Variants in ADIPOR2 observed in about 807,000 individuals in gnomAD.
The protein encoded by ADIPOR2 is adiponectin receptor 2.
Under a neutral mutation model 40.9 loss-of-function variants are expected in ADIPOR2, and 18 were observed. The ratio of observed to expected loss-of-function variants is 0.44; its 90% CI spans 0.30 to 0.65. The LOEUF is 0.65. Among genes scored for constraint, ADIPOR2 ranks in the 30% least tolerant of loss-of-function variants. The probability of loss-of-function intolerance (pLI) is 0.09; values close to 1 mark genes in which losing one functional copy is unlikely to be tolerated. For missense variants in ADIPOR2, 283 were observed against 479.2 expected, an observed-to-expected ratio of 0.59 and a Z score of 3.82; for synonymous variants, 165 against 166.4, an observed-to-expected ratio of 0.99 and a Z score of 0.06.
chr12:1,709,418 A>G (rs1261625475), intron 1 of ADIPOR2, among the ~76,000 whole-genome samples: 2 of 152,288 alleles, frequency 1.3e-5, no homozygotes, highest in Admixed American at 6.5e-5. Flanking sequence ...GTAGATTACA[A>G]TTGATTGGTG....
At chr12:1,735,229 A>G (rs2094727985) in intron 1 of ADIPOR2, among the ~76,000 whole-genome samples, 1 of 152,232 alleles carries the variant, frequency 6.6e-6, no homozygotes, top group African/African-American at 2.4e-5. Context: ...ACCCATGAGC[A>G]TGGAATGTTC....
chr12:1,735,918 A>G (rs2094729522), intron 1 of ADIPOR2, among the ~76,000 whole-genome samples: 1 of 152,186 alleles, frequency 6.6e-6, no homozygotes, highest in Non-Finnish European at 1.5e-5. Context: ...CGTATGTTGA[A>G]CCAGCCTTGC....
At chr12:1,705,432 C>T (rs988748310) in intron 1 of ADIPOR2, among the ~76,000 whole-genome samples, 1 of 152,136 alleles carries the variant, frequency 6.6e-6, no homozygotes, top group African/African-American at 2.4e-5. Flanking sequence ...TGAAACTATT[C>T]GACGCCACAA....
In ADIPOR2 at chr12:1,782,682, T is replaced by C. The variant is rs571957994; in HGVS notation, c.839-1198T>C. On this transcript the variant is annotated intron_variant, in intron 6 of 7. Coordinates refer to ENST00000357103, the MANE Select transcript of ADIPOR2 (RefSeq NM_024551.3). ...TCTAGTTCATTTAAAAAAATGCTGG[T>C]TGAGACTCATTTAATTGATCTTAGA... is the stretch of plus-strand genomic sequence containing the variant. Among the ~76,000 whole-genome samples, 10 of 152,314 alleles carry C rather than the reference T, an allele frequency of 6.6e-5. No individual in the cohort carries two copies. The South Asian group carries it at 2.1e-3, about 32-fold the overall frequency.
Position 1,757,726 on chromosome 12 carries a change from T to C in ADIPOR2, c.171+3212T>C, listed in dbSNP as rs948577006. 8.5e-6 allele frequency: 11 copies of C among 1,298,800 alleles called. No individual in the cohort carries two copies. In the African/African-American group the frequency reaches 1.3e-4, roughly 15 times the overall value. 80.5% of individuals were successfully genotyped at this position (1,298,800 alleles called of 1,614,324 possible). On this transcript the variant is annotated intron_variant, in intron 2 of 7. Transcript: ENST00000357103. ...GGTGTCATAGATGAGACGGAAATTC[T>C]CCCCCGTCTTGTCAATGCTGATGAC...
intron 1 of ADIPOR2, among the ~76,000 whole-genome samples, chr12:1,699,552 G>A (rs1316805743): frequency 1.3e-5 from 2 of 152,208 alleles, no homozygotes; most frequent in Non-Finnish European, 2.9e-5. Flanking sequence ...TTGGGAGACC[G>A]AGGCAGGATA....
intron 2 of ADIPOR2, among the ~76,000 whole-genome samples, chr12:1,759,932 A>G (rs763958144): frequency 2.2e-4 from 34 of 152,026 alleles, no homozygotes; most frequent in Non-Finnish European, 4.3e-4. Context: ...AGGCTGAGGT[A>G]GGAGAATCGC....
rs767205765 is a variant in ADIPOR2 at position 1,780,493 on chromosome 12, G to A, written c.506G>A (p.Arg169His). Residue 169 changes from arginine (R) to histidine (H), a missense_variant, in exon 5 of 8, where the codon CGC becomes CAC. Arg to His is a conservative substitution (Grantham distance 29). Around this residue, in one of 3 missense-constraint regions of ADIPOR2, gnomAD observed 112 missense variants for 249.5 expected, o/e 0.45. Coordinates refer to ENST00000357103, the MANE Select transcript of ADIPOR2 (RefSeq NM_024551.3). ...FLCLGIFYMF[R>H]PNISFVAPLQ... ...TGCCTGGGGATCTTTTATATGTTTC[G>A]CCCAAATATCTCCTTTGTGGCCCCT... 7 of 1,612,578 alleles carry A rather than the reference G, an allele frequency of 4.3e-6. No individual in the cohort carries two copies. The highest frequency in any genetic ancestry group is 2.2e-5 in the South Asian group (2 of 90,892).
intron 1 of ADIPOR2, among the ~76,000 whole-genome samples, chr12:1,742,582 C>T (rs2094745400): frequency 6.6e-6 from 1 of 152,144 alleles, no homozygotes; most frequent in Admixed American, 6.5e-5. Context: ...CCCATGGATA[C>T]CAAAATCTGT....
At chr12:1,728,718 C>T (rs1033735275) in intron 1 of ADIPOR2, among the ~76,000 whole-genome samples, 29 of 151,426 alleles carry the variant, frequency 1.9e-4, no homozygotes, top group African/African-American at 5.6e-4. Context: ...GGCAAGACTC[C>T]GTCTTAAAAA....
At chr12:1,728,800 G>C (rs1487958147) in intron 1 of ADIPOR2, among the ~76,000 whole-genome samples, 1 of 152,036 alleles carries the variant, frequency 6.6e-6, no homozygotes, top group African/African-American at 2.4e-5. Flanking sequence ...ATTTTGGCCA[G>C]TGAAAATTTT....
intron 2 of ADIPOR2, among the ~76,000 whole-genome samples, chr12:1,766,124 G>T (rs779828181): frequency 1.3e-5 from 2 of 152,208 alleles, no homozygotes; most frequent in African/African-American, 2.4e-5. Context: ...TTTGTGGTGA[G>T]TGCTGTGTGG....
intron 2 of ADIPOR2, among the ~76,000 whole-genome samples, chr12:1,768,748 A>G (rs1052317914): frequency 2.0e-5 from 3 of 152,240 alleles, no homozygotes; most frequent in African/African-American, 7.2e-5. Context: ...TGGACAGATC[A>G]TCAAAGTCAA....
intron 1 of ADIPOR2, among the ~76,000 whole-genome samples, chr12:1,708,038 TA>T (rs398116019): frequency 7.3e-5 from 6 of 81,736 alleles, no homozygotes; most frequent in Admixed American, 2.1e-4. Flanking sequence ...AAATGTTTGG[TA>T]AAAAAATAAC....
intron 1 of ADIPOR2, among the ~76,000 whole-genome samples, chr12:1,733,479 C>A (rs576433298): frequency 6.6e-6 from 1 of 152,048 alleles, no homozygotes; most frequent in East Asian, 1.9e-4. Flanking sequence ...ATTATCAGTA[C>A]AATTATTGGA....
chr12:1,757,366 T>C, intron 2 of ADIPOR2: 1 of 706,418 alleles, frequency 1.4e-6, no homozygotes, highest in African/African-American at 1.8e-5. Flanking sequence ...GAAAGTTGAG[T>C]GGCAAAGCTG....
At chr12:1,735,151 T>TGGGG (rs2094727844) in intron 1 of ADIPOR2, among the ~76,000 whole-genome samples, 1 of 152,176 alleles carries the variant, frequency 6.6e-6, no homozygotes, top group South Asian at 2.1e-4. Context: ...GGTAGCTTGA[T>TGGGG]GGGGATGGCA....
At chr12:1,694,348 C>T (rs1204141904) in intron 1 of ADIPOR2, among the ~76,000 whole-genome samples, 3 of 152,222 alleles carry the variant, frequency 2.0e-5, no homozygotes, top group Non-Finnish European at 4.4e-5. Flanking sequence ...GTAGGGACTG[C>T]TTCTAGGACC....
chr12:1,709,776 TGAG>T (rs916127891), intron 1 of ADIPOR2, among the ~76,000 whole-genome samples: 3 of 152,190 alleles, frequency 2.0e-5, no homozygotes, highest in Non-Finnish European at 4.4e-5. Flanking sequence ...AGAAAGTGCT[TGAG>T]TAGTATGATT....
Sources: gnomAD v4.1 joint callset for allele counts (sites outside exome capture counted in the v4.1 genomes callset) on GRCh38, gnomAD v4.1.1 for gene constraint, gnomAD v4.1.1 regional missense constraint, MANE v1.5 for transcripts, NCBI Gene and HGNC (gene_info 2026-07-23, HGNC 2026-07-21) for gene names.